PCDHGB4: variants seen among roughly 807,000 people sequenced by gnomAD.
PCDHGB4 encodes the protein protocadherin gamma subfamily B, 4, also known as protocadherin gamma-B4.
Under a neutral mutation model 60.5 loss-of-function variants are expected in PCDHGB4, and 38 were observed. The observed-to-expected ratio is 0.63, with a 90% CI of 0.48 to 0.82. The LOEUF (loss-of-function observed/expected upper bound fraction) is 0.82. Ranked by LOEUF, PCDHGB4 falls within the 40% of genes least tolerant of loss-of-function variation. The probability of loss-of-function intolerance (pLI) is 0.00; values close to 1 mark genes in which losing one functional copy is unlikely to be tolerated. For missense variants in PCDHGB4, 1,109 were observed against 1,209.6 expected (o/e 0.92, Z 1.23); for synonymous variants, 456 against 509.7 (o/e 0.89, Z 1.42).
intron 1 of PCDHGB4, chr5:141,392,008 T>C (rs144906227): frequency 1.3e-5 from 2 of 152,186 alleles, no homozygotes; most frequent in Non-Finnish European, 2.9e-5. Flanking sequence ...ACTGCAATGG[T>C]AAAAGCATTT....
intron 1 of PCDHGB4, chr5:141,407,918 C>T (rs890872713): frequency 1.1e-5 from 5 of 472,514 alleles, no homozygotes. Context: ...GGGCTGCTGT[C>T]CCGCACGGAG....
In PCDHGB4 at chr5:141,490,794, C is replaced by G. The variant is rs763933771; in HGVS notation, c.2398-4013C>G. The G allele has an allele frequency of 5.0e-6, 8 of 1,613,976 alleles. No individual in the cohort carries two copies. In the South Asian group the frequency reaches 7.7e-5, roughly 16 times the overall value. ...ACCCAGAGGATGGACGGATCTTTGCCCAGCGTACCTTTGACTATGAATTGC... is the reference window on the plus strand; with the variant it reads ...ACCCAGAGGATGGACGGATCTTTGCGCAGCGTACCTTTGACTATGAATTGC... On this transcript the variant is annotated intron_variant, in intron 1 of 3. Transcript: ENST00000519479. The surrounding 1 kb of genome is among the most constrained non-coding windows in gnomAD (Gnocchi z 5.4).
intron 1 of PCDHGB4, among the ~76,000 whole-genome samples, chr5:141,460,992 T>C (rs2099006034): frequency 6.6e-6 from 1 of 151,316 alleles, no homozygotes; most frequent in South Asian, 2.1e-4. Context: ...TGTATATATA[T>C]ATATGTGTAT....
In PCDHGB4 at chr5:141,485,735, G is replaced by A; in HGVS notation, c.2398-9072G>A. 6.2e-7 allele frequency: 1 copy of A among 1,614,166 alleles called. No homozygotes were observed. The highest frequency in any genetic ancestry group is 8.5e-7 in the Non-Finnish European group (1 of 1,180,036). On this transcript the variant is annotated intron_variant, in intron 1 of 3. Coordinates refer to ENST00000519479, the MANE Select transcript of PCDHGB4 (RefSeq NM_003736.4). The surrounding 1 kb of genome is among the most constrained non-coding windows in gnomAD (Gnocchi z 5.7). Reference sequence around the variant, plus strand: ...ACTGGATGTGAAGAAGCGCAGCGACGGCAGCCTGGTCCCAGAGCTGCTCCT... The same window carrying A: ...ACTGGATGTGAAGAAGCGCAGCGACAGCAGCCTGGTCCCAGAGCTGCTCCT...
Position 141,512,147 on chromosome 5 carries a change from GGCTGA to G in PCDHGB4, c.*978_*982del, listed in dbSNP as rs1406468661. The G allele has an allele frequency of 1.3e-5, 2 of 152,652 alleles. No homozygotes were observed. Among genetic ancestry groups the G allele is most frequent in the Admixed American group, 6.5e-5 (1 of 15,286 alleles). The allele number at this position is 152,652 out of a possible 1,614,324, so 9.5% of individuals were successfully genotyped here. A position where few individuals can be genotyped will look rare whatever the true frequency, so the allele number is the denominator to read the frequency against. On this transcript the variant is annotated 3_prime_UTR_variant, in exon 4 of 4. Coordinates refer to ENST00000519479, the MANE Select transcript of PCDHGB4 (RefSeq NM_003736.4). ...GGCTCAGCCCAGGCAGCCAGCTTTG[GGCTGA>G]GCTAACAGGACCAATGGATTAAACT... is the stretch of plus-strand genomic sequence containing the variant.
chr5:141,398,663 C>T (rs2150753348), intron 1 of PCDHGB4: 2 of 1,614,016 alleles, frequency 1.2e-6, no homozygotes, highest in Non-Finnish European at 1.7e-6. Context: ...CCAAGTTTCT[C>T]ATTAATAATT....
intron 1 of PCDHGB4, among the ~76,000 whole-genome samples, chr5:141,438,629 TATATATACACACAC>T (rs1468553117): frequency 3.8e-3 from 181 of 48,054 alleles, no homozygotes; most frequent in Non-Finnish European, 5.4e-3. Flanking sequence ...TATATATATA[TATATATACACACAC>T]ACACACACAT....
intron 1 of PCDHGB4, chr5:141,404,026 A>T: frequency 6.2e-7 from 1 of 1,613,874 alleles, no homozygotes; most frequent in Non-Finnish European, 8.5e-7. Context: ...CAGTGAGAGA[A>T]GACGCACCTC....
In PCDHGB4 at chr5:141,489,088, G is replaced by GGCA; in HGVS notation, c.2398-5719_2398-5718insGCA. The GGCA allele has an allele frequency of 2.9e-6, 1 of 347,238 alleles. No individual in the cohort carries two copies. Among genetic ancestry groups the GGCA allele is most frequent in the Non-Finnish European group, 5.0e-6 (1 of 200,706 alleles). The allele number at this position is 347,238 out of a possible 1,614,324, so 21.5% of individuals were successfully genotyped here. A position where few individuals can be genotyped will look rare whatever the true frequency, so the allele number is the denominator to read the frequency against. The stretch of plus-strand genomic sequence containing the variant: ...CCCCTGCCCACCCCCGCCACTCGGT[G>GGCA]ACTAAGAACTGCTGCAAGCAGGCAA... On this transcript the variant is annotated intron_variant, in intron 1 of 3. Coordinates refer to ENST00000519479, the MANE Select transcript of PCDHGB4 (RefSeq NM_003736.4). This position sits in a 1 kb window ranked among gnomAD's most constrained non-coding sequence, Gnocchi z 4.5.
chr5:141,402,897 C>T (rs1177256058), intron 1 of PCDHGB4: 6 of 1,508,528 alleles, frequency 4.0e-6, no homozygotes, highest in Admixed American at 4.7e-5. Flanking sequence ...AAGAAAGAAC[C>T]TGATGAAGCA....
At chr5:141,407,497 G>GTTTTTTTTTTTTTTTT (rs1554102286) in intron 1 of PCDHGB4, among the ~76,000 whole-genome samples, 1 of 151,966 alleles carries the variant, frequency 6.6e-6, no homozygotes, top group Non-Finnish European at 1.5e-5. Flanking sequence ...CTTTATTTCT[G>GTTTTTTTTTTTTTTTT]TTTTTCTTAG....
intron 1 of PCDHGB4, among the ~76,000 whole-genome samples, chr5:141,474,116 A>G (rs2099342954): frequency 1.3e-5 from 2 of 152,234 alleles, no homozygotes; most frequent in African/African-American, 4.8e-5. Flanking sequence ...AACAACAACG[A>G]AAATCTCAGA....
At chr5:141,483,660 G>T (rs943362284) in intron 1 of PCDHGB4, among the ~76,000 whole-genome samples, 4 of 152,094 alleles carry the variant, frequency 2.6e-5, no homozygotes, top group Admixed American at 2.0e-4. Flanking sequence ...GTGTGTGTGT[G>T]TGTGTGTGTA....
Position 141,487,291 on chromosome 5 carries a change from C to T in PCDHGB4, c.2398-7516C>T, listed in dbSNP as rs748961925. The stretch of plus-strand genomic sequence containing the variant: ...TGGCAATTTGCTTTGTCTCCTTTGG[C>T]TCATTCGTGGCACTACTCTCTAAGT... On this transcript the variant is annotated intron_variant, in intron 1 of 3. Transcript: ENST00000519479. This position sits in a 1 kb window ranked among gnomAD's most constrained non-coding sequence, Gnocchi z 5.0. The T allele has an allele frequency of 1.9e-5, 30 of 1,614,036 alleles. No homozygotes were observed. Among genetic ancestry groups the T allele is most frequent in the Non-Finnish European group, 2.5e-5 (30 of 1,180,020 alleles).
chr5:141,478,290 A>G, intron 1 of PCDHGB4: 1 of 1,614,056 alleles, frequency 6.2e-7, no homozygotes, highest in South Asian at 1.1e-5. Flanking sequence ...CAGTCTAGAG[A>G]CCTATACCGA....
intron 1 of PCDHGB4, chr5:141,405,141 A>G (rs749502643): frequency 6.2e-7 from 1 of 1,613,980 alleles, no homozygotes; most frequent in South Asian, 1.1e-5. Flanking sequence ...GCTACCAGTG[A>G]TGGGTTGGCT....
At chr5:141,470,112 G>T (rs1186184232) in intron 1 of PCDHGB4, among the ~76,000 whole-genome samples, 1 of 152,104 alleles carries the variant, frequency 6.6e-6, no homozygotes, top group Non-Finnish European at 1.5e-5. Flanking sequence ...CTGAGCAACA[G>T]AGCAAGACTT....
intron 1 of PCDHGB4, chr5:141,405,402 C>T: frequency 6.3e-7 from 1 of 1,589,724 alleles, no homozygotes; most frequent in Non-Finnish European, 8.6e-7. Flanking sequence ...TTCTTTCTTT[C>T]TTTTCTTTTT....
intron 1 of PCDHGB4, chr5:141,392,171 C>A (rs1182647236): frequency 6.6e-6 from 1 of 152,216 alleles, no homozygotes; most frequent in African/African-American, 2.4e-5. Flanking sequence ...CTGAGTCAGT[C>A]ATCTCCAGTA....
Sources: allele counts gnomAD v4.1 joint callset (sites outside exome capture counted in the v4.1 genomes callset), GRCh38; gene constraint gnomAD v4.1.1; non-coding constraint Gnocchi (gnomAD v3.1); transcripts MANE v1.5; gene names NCBI Gene and HGNC (gene_info 2026-07-23, HGNC 2026-07-21).